Variants in GSTT4 observed in about 807,000 individuals in gnomAD.
GSTT4 encodes the protein glutathione S-transferase theta-4.
chr22:23,997,877 T>A, downstream of GSTT4, among the ~76,000 whole-genome samples: 1 of 152,184 alleles, frequency 6.6e-6, no homozygotes. Context: ...TCATTTTTAT[T>A]TGTTCAGGAT....
the GSTT4 span, among the ~76,000 whole-genome samples, chr22:23,990,297 CAAG>C: frequency 6.7e-6 from 1 of 149,082 alleles, no homozygotes; most frequent in African/African-American, 2.4e-5. Flanking sequence ...AGAAGAATGC[CAAG>C]AAATACATAA....
At chr22:24,001,891 T>A (rs1210736060) in intron 2 of GSTT4, among the ~76,000 whole-genome samples, 1 of 152,398 alleles carries the variant, frequency 6.6e-6, no homozygotes, top group African/African-American at 2.4e-5. Context: ...CTTGGGAAGC[T>A]GAGGCACGGG....
downstream of GSTT4, among the ~76,000 whole-genome samples, chr22:23,995,010 G>A (rs2034101839): frequency 6.6e-6 from 1 of 152,196 alleles, no homozygotes; most frequent in African/African-American, 2.4e-5. Flanking sequence ...TAGCTCCAAT[G>A]AGGGAGAGGA....
At chr22:24,004,018 C>T (rs959653853) in intron 1 of GSTT4, among the ~76,000 whole-genome samples, 171 bp from the exon 2 acceptor site, 2 of 152,290 alleles carry the variant, frequency 1.3e-5, no homozygotes, top group African/African-American at 4.8e-5. Flanking sequence ...CAGAACCGGA[C>T]TGCGATCAGA....
In GSTT4 at chr22:24,005,296, A is replaced by C. The variant is rs1184767310; in HGVS notation, c.61T>G (p.Ser21Ala). ...TTGAACTGGATGTCATGCTTCTTCG[A>C]GAAGATGTAGACGGCACGGCAGGGT... is the stretch of plus-strand genomic sequence containing the variant. ...SAPCRAVYIF[S>A]KKHDIQFNFQ... The change falls in exon 1 of 5, where the codon TCG (serine) becomes GCG (alanine). Residue 21 changes from serine to alanine, a missense_variant. Ser to Ala is a moderately conservative substitution (Grantham distance 99). Coordinates refer to ENST00000621179, the MANE Select transcript of GSTT4 (RefSeq NM_001358664.2). 2.6e-5 allele frequency: 4 copies of C among 153,306 alleles called. No homozygotes were observed. The Admixed American group carries it at 2.6e-4, about 10-fold the overall frequency. The allele number at this position is 153,306 out of a possible 1,614,324, so 9.5% of individuals were successfully genotyped here.
At chr22:24,003,894 G>A (rs1471051165) in intron 1 of GSTT4, 47 bp from the exon 2 acceptor site, 1 of 155,082 alleles carries the variant, frequency 6.4e-6, no homozygotes, top group Non-Finnish European at 1.5e-5. Context: ...CCAGGGGAGA[G>A]AGAACTGAGA....
At chr22:24,003,730 G>C in intron 2 of GSTT4, 30 bp downstream of exon 2, 1 of 155,420 alleles carries the variant, frequency 6.4e-6, no homozygotes, top group Middle Eastern at 5.2e-4. Flanking sequence ...AGCAGAGACA[G>C]ATGGTGCAAG....
downstream of GSTT4, among the ~76,000 whole-genome samples, chr22:23,993,689 C>G (rs2034089107): frequency 6.6e-6 from 1 of 152,158 alleles, no homozygotes; most frequent in Admixed American, 6.5e-5. Context: ...TTTCCACTGC[C>G]AAAGGCCTGA....
downstream of GSTT4, among the ~76,000 whole-genome samples, chr22:23,995,168 C>T (rs1257148966): frequency 6.7e-6 from 1 of 149,144 alleles, no homozygotes; most frequent in Non-Finnish European, 1.5e-5. Context: ...GAGTATCGCT[C>T]TGTCACCAGG....
intron 2 of GSTT4, among the ~76,000 whole-genome samples, chr22:24,003,000 C>G (rs1042281546): frequency 1.3e-5 from 2 of 152,196 alleles, no homozygotes; most frequent in Admixed American, 6.5e-5. Context: ...ATGCTACGCT[C>G]TATCCTAGCC....
Position 23,998,460 on chromosome 22 carries a change from T to TG in GSTT4, c.*81_*82insC, listed in dbSNP as rs1392829447. The TG allele has an allele frequency of 2.6e-5, 1 of 38,536 alleles. No homozygotes were observed. Among genetic ancestry groups the TG allele is most frequent in the African/African-American group, 8.1e-5 (1 of 12,404 alleles). 2.4% of individuals were successfully genotyped at this position (38,536 alleles called of 1,614,324 possible). A position where few individuals can be genotyped will look rare whatever the true frequency, so the allele number is the denominator to read the frequency against. On this transcript the variant is annotated 3_prime_UTR_variant, in exon 5 of 5. Coordinates refer to ENST00000621179, the MANE Select transcript of GSTT4 (RefSeq NM_001358664.2). ...CAGTTGTTTTTTTGTTTTTTTGTTTTTTTTTTTTTAACATTTCCTTTAAGG... is the reference window on the plus strand; with the variant it reads ...CAGTTGTTTTTTTGTTTTTTTGTTTTGTTTTTTTTTAACATTTCCTTTAAGG...
intron 4 of GSTT4, among the ~76,000 whole-genome samples, chr22:23,999,454 T>C (rs1221982491): frequency 7.5e-6 from 1 of 132,916 alleles, no homozygotes; most frequent in Non-Finnish European, 1.6e-5. Context: ...CTCTCGGGCA[T>C]ATCTCTGGCT....
chr22:23,989,940 G>C, the GSTT4 span, among the ~76,000 whole-genome samples: 1 of 151,064 alleles, frequency 6.6e-6, no homozygotes, highest in African/African-American at 2.4e-5. Flanking sequence ...CTGCTTCTGT[G>C]TCCAGCCCCT....
chr22:23,992,031 C>T, the GSTT4 span, among the ~76,000 whole-genome samples: 2 of 132,286 alleles, frequency 1.5e-5, no homozygotes, highest in Middle Eastern at 4.2e-3. Flanking sequence ...CCAGCCTGGG[C>T]GACAGAGCCA....
intron 4 of GSTT4, 41 bp downstream of exon 4, chr22:24,000,034 C>T (rs1235697239): frequency 1.3e-5 from 2 of 155,330 alleles, no homozygotes; most frequent in South Asian, 2.0e-4. Flanking sequence ...AGGAGTCCTA[C>T]CTCTGCCCAG....
downstream of GSTT4, among the ~76,000 whole-genome samples, chr22:23,995,416 A>G (rs1752049619): frequency 6.6e-6 from 1 of 152,152 alleles, no homozygotes; most frequent in Admixed American, 6.5e-5. Flanking sequence ...CATTTATTAC[A>G]CATTTAATGC....
At chr22:23,995,822 T>A (rs1211790944), downstream of GSTT4, among the ~76,000 whole-genome samples, 1 of 131,030 alleles carries the variant, frequency 7.6e-6, no homozygotes, top group Non-Finnish European at 1.7e-5. Flanking sequence ...AAATTTATTC[T>A]ATTTTATTCT....
downstream of GSTT4, among the ~76,000 whole-genome samples, chr22:23,997,497 G>A (rs1209768114): frequency 1.3e-5 from 2 of 150,444 alleles, no homozygotes; most frequent in Non-Finnish European, 3.0e-5. Flanking sequence ...TGCTGGGATT[G>A]CAGGTGTGAG....
At chr22:24,003,238 A>G (rs1430218587) in intron 2 of GSTT4, among the ~76,000 whole-genome samples, 8,665 of 64,870 alleles carry the variant, frequency 0.13, no homozygotes, top group South Asian at 0.22. Flanking sequence ...TTGAGATGGG[A>G]TCTCACTCTG....
Sources: gnomAD v4.1 joint callset for allele counts (sites outside exome capture counted in the v4.1 genomes callset) on GRCh38, gnomAD v4.1.1 for gene constraint, MANE v1.5 for transcripts, NCBI Gene and HGNC (gene_info 2026-07-23, HGNC 2026-07-21) for gene names.